Variants in OSBPL5 observed in about 807,000 individuals in gnomAD.
OSBPL5 encodes oxysterol-binding protein-related protein 5.
A neutral mutation model predicts 111.2 loss-of-function variants in OSBPL5; 71 were observed. The observed-to-expected ratio is 0.64, with a 90% CI of 0.53 to 0.78. OSBPL5 has a LOEUF of 0.78. Ranked by LOEUF, OSBPL5 falls within the 30% of genes least tolerant of loss-of-function variation. The pLI, the probability that OSBPL5 is intolerant of heterozygous loss-of-function variation, is 0.00. For missense variants in OSBPL5, 1,210 were observed against 1,189.3 expected, an observed-to-expected ratio of 1.02 and a Z score of -0.26; for synonymous variants, 549 against 513.9, an observed-to-expected ratio of 1.07 and a Z score of -0.93.
chr11:3,107,244 C>T lies in OSBPL5; in HGVS notation c.1059+19G>A, dbSNP rs970338075. 2.5e-6 allele frequency: 4 copies of T among 1,606,052 alleles called. No individual in the cohort carries two copies. The highest frequency in any genetic ancestry group is 1.7e-5 in the Admixed American group (1 of 58,598). ...GAGGCAGGGGAGACGCTTGGGGCTC[C>T]TGGCTGGGGGGCTCTCACCTCCCCC... On this transcript the variant is annotated intron_variant, in intron 9 of 21. Transcript: ENST00000263650. This position sits in a 1 kb window ranked among gnomAD's most constrained non-coding sequence, Gnocchi z 6.1.
chr11:3,107,998 A>T lies in OSBPL5; in HGVS notation c.692-53T>A. On this transcript the variant is annotated intron_variant, in intron 7 of 21. Coordinates refer to ENST00000263650, the MANE Select transcript of OSBPL5 (RefSeq NM_020896.4). This position sits in a 1 kb window ranked among gnomAD's most constrained non-coding sequence, Gnocchi z 6.1. The stretch of plus-strand genomic sequence containing the variant: ...CCACCCCCACCTCTGTATATCCCGC[A>T]TCCCCCAAGGGGCCACCAGGAGGCT... The T allele has an allele frequency of 1.9e-6, 3 of 1,557,068 alleles. No individual in the cohort carries two copies. The highest frequency in any genetic ancestry group is 1.7e-6 in the Non-Finnish European group (2 of 1,160,914).
In OSBPL5 at chr11:3,103,780, T is replaced by C. The variant is rs1437422998; in HGVS notation, c.1244+413A>G. Among the ~76,000 whole-genome samples, 324 of 49,768 alleles carry C rather than the reference T, an allele frequency of 6.5e-3. 16 individuals are homozygous for C. The highest frequency in any genetic ancestry group is 0.013 in the Non-Finnish European group (230 of 18,226). 32.6% of individuals were successfully genotyped at this position (49,768 alleles called of 152,430 possible). Reference sequence around the variant, plus strand: ...AGCTCTGCAGCCCCCTTCCAGCCTCTGCAGTCCCTTCCTGCCTCTGCAGCC... The same window carrying C: ...AGCTCTGCAGCCCCCTTCCAGCCTCCGCAGTCCCTTCCTGCCTCTGCAGCC... On this transcript the variant is annotated intron_variant, in intron 10 of 21. Coordinates refer to ENST00000263650, the MANE Select transcript of OSBPL5 (RefSeq NM_020896.4).
At chr11:3,143,994 G>A (rs1214462253) in intron 1 of OSBPL5, among the ~76,000 whole-genome samples, 3 of 152,174 alleles carry the variant, frequency 2.0e-5, no homozygotes, top group African/African-American at 4.8e-5. Context: ...AGGGTCGATG[G>A]CCTCAAGTCA....
chr11:3,107,787 C>T lies in OSBPL5; in HGVS notation c.850G>A (p.Asp284Asn). 6.2e-7 allele frequency: 1 copy of T among 1,612,502 alleles called. No homozygotes were observed. The highest frequency in any genetic ancestry group is 8.5e-7 in the Non-Finnish European group (1 of 1,179,960). Residue 284 changes from aspartate (D) to asparagine (N), a missense_variant, in exon 8 of 22, where the codon GAC becomes AAC. Transcript: ENST00000263650. The surrounding 1 kb of genome is among the most constrained non-coding windows in gnomAD (Gnocchi z 6.1). ...GLPASATVHP[D>N]QDLFPLNGSS... ...CCCACTCACGGGAACAGGTCTTGGT[C>T]TGGGTGGACGGTGGCTGAGGCTGGC...
rs527794724 is a variant in OSBPL5 at position 3,165,105 on chromosome 11, C to G, written c.-22+111G>C. ...CGAGCTCCTGGATCCCTTCGGCCGG[C>G]CCCCCGCGGCCCTCGGTTCGCTCCG... On this transcript the variant is annotated intron_variant, in intron 1 of 21. Transcript: ENST00000263650. This position sits in a 1 kb window ranked among gnomAD's most constrained non-coding sequence, Gnocchi z 7.4. The G allele has an allele frequency of 7.8e-4, 118 of 150,818 alleles. No homozygotes were observed. The highest frequency in any genetic ancestry group is 2.7e-3 in the African/African-American group (113 of 41,408). The allele number at this position is 150,818 out of a possible 1,614,324, so 9.3% of individuals were successfully genotyped here.
Position 3,105,583 on chromosome 11 carries a change from C to T in OSBPL5, c.1060-1206G>A, listed in dbSNP as rs142864084. Among the ~76,000 whole-genome samples the T allele has an allele frequency of 5.6e-4, 86 of 152,250 alleles. 1 individual carries two copies. In the East Asian group the frequency reaches 0.016, roughly 28 times the overall value. On this transcript the variant is annotated intron_variant, in intron 9 of 21. Transcript: ENST00000263650. The surrounding 1 kb of genome is among the most constrained non-coding windows in gnomAD (Gnocchi z 5.2). Reference sequence around the variant, plus strand: ...GTCTTCTCTACTGAGACTGTCTTGCCGTAGGTCCCCACCACTCCTCACTGG... The same window carrying T: ...GTCTTCTCTACTGAGACTGTCTTGCTGTAGGTCCCCACCACTCCTCACTGG...
At position 3,122,026 on chromosome 11, in the gene OSBPL5, TG is replaced by T. The variant is rs780547202; in HGVS notation, c.372del (p.Ser125AlafsTer9). 1 of 1,579,792 alleles carries T rather than the reference TG, an allele frequency of 6.3e-7. No homozygotes were observed. Among genetic ancestry groups the T allele is most frequent in the South Asian group, 1.1e-5 (1 of 87,484 alleles). ...AGGCTGTCAGCCATGATGACCACGC[TG>T]GGGTCTGTCAGAGCGCTGAGCAGCT... is the stretch of plus-strand genomic sequence containing the variant. ...TRQLLSALTD[P>X]SVVIMADSLK... On this transcript the variant is annotated frameshift_variant, in exon 5 of 22. Coordinates refer to ENST00000263650, the MANE Select transcript of OSBPL5 (RefSeq NM_020896.4). LOFTEE classifies it high-confidence loss of function.
In OSBPL5 at chr11:3,103,896, CTCTGCA is replaced by C. The variant is rs1291934361; in HGVS notation, c.1244+291_1244+296del. ...CCTGCCTCTGTAGCCCCATTCCTGC[CTCTGCA>C]GCCCCCTTCCTGCCTCTGCAGCCCA... is the stretch of plus-strand genomic sequence containing the variant. On this transcript the variant is annotated intron_variant, in intron 10 of 21. Coordinates refer to ENST00000263650, the MANE Select transcript of OSBPL5 (RefSeq NM_020896.4). Among the ~76,000 whole-genome samples the C allele has an allele frequency of 6.1e-4, 67 of 110,732 alleles. 2 individuals are homozygous for C. The highest frequency in any genetic ancestry group is 1.6e-3 in the Admixed American group (19 of 11,718). The allele number at this position is 110,732 out of a possible 152,430, so 72.6% of individuals were successfully genotyped here.
At chr11:3,127,495 C>T (rs1313162889) in intron 2 of OSBPL5, among the ~76,000 whole-genome samples, 1 of 152,166 alleles carries the variant, frequency 6.6e-6, no homozygotes, top group African/African-American at 2.4e-5. Flanking sequence ...TCCAAAGGTC[C>T]TGGACCGTGG....
chr11:3,094,617 T>A (rs1857193655), intron 14 of OSBPL5: 1 of 424,902 alleles, frequency 2.4e-6, no homozygotes, highest in Non-Finnish European at 4.3e-6. Context: ...TCTCCCCCAC[T>A]AAGGGGGCTC....
At chr11:3,124,515 T>C (rs1858532763) in intron 3 of OSBPL5, among the ~76,000 whole-genome samples, 1 of 152,130 alleles carries the variant, frequency 6.6e-6, no homozygotes, top group South Asian at 2.1e-4. Context: ...CCTTGGCACA[T>C]GGTGTTCCCA....
intron 1 of OSBPL5, among the ~76,000 whole-genome samples, chr11:3,131,887 A>ATCCACCCACCCT (rs1845815456): frequency 1.7e-4 from 21 of 124,910 alleles, no homozygotes; most frequent in African/African-American, 2.4e-4. Flanking sequence ...CCACCCATCC[A>ATCCACCCACCCT]CCCACCCTCC....
At position 3,106,677 on chromosome 11, in the gene OSBPL5, G is replaced by A. The variant is rs879332254; in HGVS notation, c.1059+586C>T. ...TTCTTGGAACGCCATCCTCCCTCCCGTCACTCACGTCTTCAGAAAGAGCCC... is the reference window on the plus strand; with the variant it reads ...TTCTTGGAACGCCATCCTCCCTCCCATCACTCACGTCTTCAGAAAGAGCCC... On this transcript the variant is annotated intron_variant, in intron 9 of 21. Transcript: ENST00000263650. This position sits in a 1 kb window ranked among gnomAD's most constrained non-coding sequence, Gnocchi z 8.4. Among the ~76,000 whole-genome samples, 8 of 152,218 alleles carry A rather than the reference G, an allele frequency of 5.3e-5. No homozygotes were observed. Among genetic ancestry groups the A allele is most frequent in the Middle Eastern group, 3.4e-3 (1 of 294 alleles).
rs752996351 is a variant in OSBPL5, at chr11:3,154,293, C to G, written c.-22+10923G>C. 6.6e-6 allele frequency among the ~76,000 whole-genome samples: 1 copy of G among 152,232 alleles called. No individual in the cohort carries two copies. Among genetic ancestry groups the G allele is most frequent in the Non-Finnish European group, 1.5e-5 (1 of 68,042 alleles). On this transcript the variant is annotated intron_variant, in intron 1 of 21. Transcript: ENST00000263650. The surrounding 1 kb of genome is among the most constrained non-coding windows in gnomAD (Gnocchi z 4.9). ...CCTGCCAGTAGGTAGCAGGATGTGT[C>G]GTAGAGGGCTTGCTGACCCCAAACA...
intron 1 of OSBPL5, among the ~76,000 whole-genome samples, chr11:3,135,094 C>T (rs1457780215): frequency 1.3e-5 from 2 of 152,356 alleles, no homozygotes; most frequent in African/African-American, 2.4e-5. Flanking sequence ...GAACGTTTCC[C>T]CAGCTGTCAG....
At position 3,107,949 on chromosome 11, in the gene OSBPL5, C is replaced by A. The variant is rs369476233; in HGVS notation, c.692-4G>T. 1 of 1,592,438 alleles carries A rather than the reference C, an allele frequency of 6.3e-7. No homozygotes were observed. On this transcript the variant is annotated splice_polypyrimidine_tract_variant and splice_region_variant and intron_variant, in intron 7 of 21. Transcript: ENST00000263650. The surrounding 1 kb of genome is among the most constrained non-coding windows in gnomAD (Gnocchi z 6.1). ...AGGGCGTCCAGCCAGCAGCGACCTG[C>A]GGGGCACACGGGATGAGCATGCCCC... is the stretch of plus-strand genomic sequence containing the variant.
chr11:3,146,994 G>A lies in OSBPL5; in HGVS notation c.-21-17825C>T, dbSNP rs1054284768. The stretch of plus-strand genomic sequence containing the variant: ...CTGTCACGACCCTCCTGAGCTAAAC[G>A]CACAGCCCGCACCTTGTTAGCTCTG... On this transcript the variant is annotated intron_variant, in intron 1 of 21. Transcript: ENST00000263650. This position sits in a 1 kb window ranked among gnomAD's most constrained non-coding sequence, Gnocchi z 7.8. Among the ~76,000 whole-genome samples, 2 of 152,166 alleles carry A rather than the reference G, an allele frequency of 1.3e-5. No individual in the cohort carries two copies. Among genetic ancestry groups the A allele is most frequent in the Admixed American group, 1.3e-4 (2 of 15,284 alleles).
intron 1 of OSBPL5, among the ~76,000 whole-genome samples, chr11:3,138,613 C>T (rs1023442888): frequency 1.3e-5 from 2 of 152,234 alleles, no homozygotes; most frequent in African/African-American, 2.4e-5. Flanking sequence ...AAAAGACGCT[C>T]GCCTGCCGTG....
rs904974794 is a variant in OSBPL5 at position 3,126,684 on chromosome 11, G to A, written c.137-129C>T. On this transcript the variant is annotated intron_variant, in intron 2 of 21. Transcript: ENST00000263650. The surrounding 1 kb of genome is among the most constrained non-coding windows in gnomAD (Gnocchi z 6.5). ...TGGGAGGGGCAGGAAGTCAGCCGGAGGTGGTGGCAGGAACAGGACACTGCC... is the reference window on the plus strand; with the variant it reads ...TGGGAGGGGCAGGAAGTCAGCCGGAAGTGGTGGCAGGAACAGGACACTGCC... 10 of 669,940 alleles carry A rather than the reference G, an allele frequency of 1.5e-5. No individual in the cohort carries two copies. The African/African-American group carries it at 1.6e-4, about 11-fold the overall frequency. 41.5% of individuals were successfully genotyped at this position (669,940 alleles called of 1,614,324 possible).
Sources: gnomAD v4.1 joint callset for allele counts (sites outside exome capture counted in the v4.1 genomes callset) on GRCh38, gnomAD v4.1.1 for gene constraint, Gnocchi (gnomAD v3.1) non-coding constraint, MANE v1.5 for transcripts, NCBI Gene and HGNC (gene_info 2026-07-23, HGNC 2026-07-21) for gene names.